Variants in WARS1 observed in about 807,000 individuals in gnomAD.
The protein encoded by WARS1 is tryptophan--tRNA ligase, cytoplasmic.
Under a neutral mutation model 47.8 loss-of-function variants are expected in WARS1, and 17 were observed. The ratio of observed to expected loss-of-function variants is 0.36; its 90% CI spans 0.24 to 0.53. The LOEUF (loss-of-function observed/expected upper bound fraction) is 0.53, where lower values mean the gene tolerates loss of function less well. Ranked by LOEUF, WARS1 falls within the 20% of genes least tolerant of loss-of-function variation. The pLI, the probability that WARS1 is intolerant of heterozygous loss-of-function variation, is 0.91. For missense variants in WARS1, 434 were observed against 608.0 expected, an observed-to-expected ratio of 0.71 and a Z score of 3.01; for synonymous variants, 208 against 228.1, an observed-to-expected ratio of 0.91 and a Z score of 0.79.
At chr14:100,337,793 G>T (rs781117480) in intron 9 of WARS1, among the ~76,000 whole-genome samples, 2 of 152,030 alleles carry the variant, frequency 1.3e-5, no homozygotes, top group African/African-American at 2.4e-5. Context: ...AGGAGTTTGA[G>T]GTTATAGTGG....
chr14:100,360,758 A>G (rs1444523858), intron 3 of WARS1, 96 bp from the exon 4 acceptor site: 1 of 880,924 alleles, frequency 1.1e-6, no homozygotes, highest in African/African-American at 1.7e-5. Context: ...TCCATGCACA[A>G]TCTTAATGAA....
chr14:100,348,006 C>A (rs1375723308), intron 6 of WARS1, among the ~76,000 whole-genome samples: 2 of 152,192 alleles, frequency 1.3e-5, no homozygotes, highest in African/African-American at 4.8e-5. Flanking sequence ...CACCATGTGG[C>A]AGGAGCTGTG....
chr14:100,369,026 A>G, intron 2 of WARS1, 61 bp downstream of exon 2: 1 of 1,280,452 alleles, frequency 7.8e-7, no homozygotes, highest in South Asian at 1.8e-5. Context: ...CTAGAGGAAC[A>G]CAACCCTACA....
At chr14:100,339,619 A>C (rs1251630306) in intron 9 of WARS1, among the ~76,000 whole-genome samples, 2 of 151,852 alleles carry the variant, frequency 1.3e-5, no homozygotes, top group African/African-American at 4.8e-5. Context: ...AGGAAAAAAA[A>C]AGTTATAGAA....
Position 100,338,440 on chromosome 14 carries a change from T to G in WARS1, c.1114-1238A>C, listed in dbSNP as rs186752048. Among the ~76,000 whole-genome samples, 184 of 152,164 alleles carry G rather than the reference T, an allele frequency of 1.2e-3. 1 individual carries two copies. The highest frequency in any genetic ancestry group is 2.1e-3 in the Non-Finnish European group (142 of 67,998). ...GCCACCAGCCTGGCTAATTTTTTGG[T>G]ATTTTTTGTAGAGACCAGGTTTTGT... On this transcript the variant is annotated intron_variant, in intron 9 of 10. Transcript: ENST00000392882.
At chr14:100,335,384 T>G (rs538806470) in intron 10 of WARS1, among the ~76,000 whole-genome samples, 1 of 63,940 alleles carries the variant, frequency 1.6e-5, no homozygotes, top group Non-Finnish European at 6.0e-5. Context: ...ATCTTGCTAA[T>G]TTTTTTTTTT....
At chr14:100,376,300 C>T (rs2273804), upstream of WARS1, 45 of 1,028,376 alleles carry the variant, frequency 4.4e-5, no homozygotes, top group Non-Finnish European at 5.5e-5. Flanking sequence ...GCTCAGCAAC[C>T]GGCTGTCTCC....
intron 4 of WARS1, among the ~76,000 whole-genome samples, chr14:100,360,193 G>A (rs1379656806): frequency 6.6e-6 from 1 of 152,204 alleles, no homozygotes; most frequent in Non-Finnish European, 1.5e-5. Flanking sequence ...GGAATTTCAG[G>A]AAGCCTACTG....
intron 9 of WARS1, among the ~76,000 whole-genome samples, chr14:100,337,947 C>G (rs1480507575): frequency 6.6e-6 from 1 of 151,946 alleles, no homozygotes; most frequent in African/African-American, 2.4e-5. Flanking sequence ...GGAAGGGCAG[C>G]CTCTCTTAGG....
At chr14:100,360,710 G>T (rs767843429) in intron 3 of WARS1, 48 bp from the exon 4 acceptor site, 1 of 1,384,750 alleles carries the variant, frequency 7.2e-7, no homozygotes, top group Non-Finnish European at 1.0e-6. Context: ...GAGGTTTAGT[G>T]ATCAGATATT....
intron 1 of WARS1, among the ~76,000 whole-genome samples, chr14:100,369,681 A>ATT (rs796637368): frequency 6.9e-6 from 1 of 144,170 alleles, no homozygotes; most frequent in African/African-American, 2.5e-5. Context: ...TTACTATTTG[A>ATT]TTTTTTTTTT....
chr14:100,360,467 A>G (rs941169735), intron 4 of WARS1, 87 bp downstream of exon 4: 3 of 993,920 alleles, frequency 3.0e-6, no homozygotes, highest in East Asian at 4.8e-5. Context: ...CCACAGTACC[A>G]GGTGGCTTAT....
Position 100,334,753 on chromosome 14 carries a change from G to T in WARS1, c.*122C>A. 1 of 1,165,714 alleles carries T rather than the reference G, an allele frequency of 8.6e-7. No homozygotes were observed. The highest frequency in any genetic ancestry group is 1.2e-6 in the Non-Finnish European group (1 of 821,348). 72.2% of individuals were successfully genotyped at this position (1,165,714 alleles called of 1,614,324 possible). The stretch of plus-strand genomic sequence containing the variant: ...TATTGATAACATACACAGGCTTACA[G>T]AGGCCAGGCCCAGTAATTACCATGA... On this transcript the variant is annotated 3_prime_UTR_variant, in exon 11 of 11. Coordinates refer to ENST00000392882, the MANE Select transcript of WARS1 (RefSeq NM_004184.4).
chr14:100,339,319 C>A (rs1893978363), intron 9 of WARS1, among the ~76,000 whole-genome samples: 1 of 152,134 alleles, frequency 6.6e-6, no homozygotes, highest in African/African-American at 2.4e-5. Flanking sequence ...GGGGCTGGCG[C>A]AGTGGCTCAC....
intron 2 of WARS1, among the ~76,000 whole-genome samples, chr14:100,367,608 C>CAAAAAA (rs35916618): frequency 4.0e-4 from 12 of 29,738 alleles, no homozygotes; most frequent in South Asian, 2.1e-3. Flanking sequence ...GGTGGGGTGG[C>CAAAAAA]AAAAAAAAAA....
chr14:100,356,304 G>A (rs1394397613), intron 4 of WARS1, among the ~76,000 whole-genome samples: 1 of 149,096 alleles, frequency 6.7e-6, no homozygotes, highest in African/African-American at 2.5e-5. Flanking sequence ...AAGGCAGTGA[G>A]AAGAACCATG....
chr14:100,366,705 C>T (rs1478261704), intron 2 of WARS1: 4 of 795,768 alleles, frequency 5.0e-6, no homozygotes, highest in Non-Finnish European at 9.2e-6. Flanking sequence ...ACAGAAGGGA[C>T]ACCATTAGAA....
In WARS1 at chr14:100,334,339, T is replaced by A. The variant is rs2139860537; in HGVS notation, c.*536A>T. On this transcript the variant is annotated 3_prime_UTR_variant, in exon 11 of 11. Transcript: ENST00000392882. ...AAAGCTGGGTGATTTCTTAGTCAAA[T>A]GTATAACGAAGCTTTTACTTATCAA... 6.6e-6 allele frequency: 1 copy of A among 152,632 alleles called. No individual in the cohort carries two copies. Among genetic ancestry groups the A allele is most frequent in the Non-Finnish European group, 1.5e-5 (1 of 68,056 alleles). The allele number at this position is 152,632 out of a possible 1,614,324, so 9.5% of individuals were successfully genotyped here.
At chr14:100,341,430 T>C (rs1423609269) in intron 9 of WARS1, among the ~76,000 whole-genome samples, 2 of 152,266 alleles carry the variant, frequency 1.3e-5, no homozygotes, top group Non-Finnish European at 2.9e-5. Flanking sequence ...GGCTTCCCCA[T>C]TGTCAACCAG....
Sources: gnomAD v4.1 joint callset for allele counts (sites outside exome capture counted in the v4.1 genomes callset) on GRCh38, gnomAD v4.1.1 for gene constraint, MANE v1.5 for transcripts, NCBI Gene and HGNC (gene_info 2026-07-23, HGNC 2026-07-21) for gene names.